The following FBLN1 variants were observed in gnomAD, a reference collection of about 807,000 sequenced individuals.
The protein encoded by FBLN1 is fibulin 1.
A neutral mutation model predicts 89.7 loss-of-function variants in FBLN1; 34 were observed. The ratio of observed to expected loss-of-function variants is 0.38; its 90% CI spans 0.29 to 0.50. The LOEUF (loss-of-function observed/expected upper bound fraction) is 0.50. FBLN1 is among the 20% of genes least tolerant of loss of function. The pLI, the probability that FBLN1 is intolerant of heterozygous loss-of-function variation, is 0.92. For synonymous variants in FBLN1, 393 were observed against 391.3 expected, an observed-to-expected ratio of 1.00 and a Z score of -0.05; for missense variants, 777 against 988.1, an observed-to-expected ratio of 0.79 and a Z score of 2.86.
rs143192207 is a variant in FBLN1, at chr22:45,563,436, C to T, written c.1698-11075C>T. 5.8e-4 allele frequency: 834 copies of T among 1,431,110 alleles called. 8 individuals carry two copies. In the East Asian group the frequency reaches 0.017, roughly 29 times the overall value. The allele number at this position is 1,431,110 out of a possible 1,614,324, so 88.7% of individuals were successfully genotyped here. A position where few individuals can be genotyped will look rare whatever the true frequency, so the allele number is the denominator to read the frequency against. Reference sequence around the variant, plus strand: ...TTGTTACCCGGGGGTGAGCTGGGCACTGGCCACCGCCTGGTACCCCCGAGG... The same window carrying T: ...TTGTTACCCGGGGGTGAGCTGGGCATTGGCCACCGCCTGGTACCCCCGAGG... On this transcript the variant is annotated intron_variant, in intron 14 of 16. Transcript: ENST00000327858. The surrounding 1 kb of genome is among the most constrained non-coding windows in gnomAD (Gnocchi z 5.7).
chr22:45,538,506 C>G (rs910627958), intron 8 of FBLN1, among the ~76,000 whole-genome samples: 5 of 152,152 alleles, frequency 3.3e-5, no homozygotes, highest in Admixed American at 6.5e-5. Flanking sequence ...GCTTTTCCCC[C>G]CCACTTGACA....
intron 14 of FBLN1, among the ~76,000 whole-genome samples, chr22:45,554,896 A>G (rs908669868): frequency 1.1e-4 from 16 of 152,262 alleles, no homozygotes. Context: ...AGCGGAAGAT[A>G]ATACCGATCT....
At chr22:45,599,276 T>A (rs1224611624) in intron 16 of FBLN1, among the ~76,000 whole-genome samples, 1 of 152,172 alleles carries the variant, frequency 6.6e-6, no homozygotes, top group Non-Finnish European at 1.5e-5. Flanking sequence ...GCACCACCCA[T>A]CCTCCTTTTG....
Position 45,533,801 on chromosome 22 carries a change from T to C in FBLN1, c.687T>C (p.Leu229=), listed in dbSNP as rs562978224. 1.1e-5 allele frequency: 17 copies of C among 1,613,668 alleles called. No homozygotes were observed. In the South Asian group the frequency reaches 1.5e-4, roughly 15 times the overall value. The change falls in exon 7 of 17, where the codon CTT becomes CTC. Residue 229 remains leucine, a synonymous_variant. Coordinates refer to ENST00000327858, the MANE Select transcript of FBLN1 (RefSeq NM_006486.3). ...TCACGGGCAGCCACAGCTGCCGGCT[T>C]GGAGAATCCTGCATCAACACAGTGG... ...ECITGSHSCR[L]GESCINTVGS...
chr22:45,526,426 C>A (rs1201220307), intron 3 of FBLN1, among the ~76,000 whole-genome samples: 1 of 152,222 alleles, frequency 6.6e-6, no homozygotes, highest in Admixed American at 6.5e-5. Context: ...CCCTTACCAC[C>A]CAGCCAGCAA....
chr22:45,542,294 G>T lies in FBLN1; in HGVS notation c.1195+11G>T. The T allele has an allele frequency of 6.2e-7, 1 of 1,613,596 alleles. No individual in the cohort carries two copies. The highest frequency in any genetic ancestry group is 1.1e-5 in the South Asian group (1 of 91,072). Reference sequence around the variant, plus strand: ...GCAGGATGTGTGTCGGTGCGTGGGGGGCCCCGCAGGCCTCGGGGGAACCCA... The same window carrying T: ...GCAGGATGTGTGTCGGTGCGTGGGGTGCCCCGCAGGCCTCGGGGGAACCCA... On this transcript the variant is annotated intron_variant, in intron 10 of 16. Coordinates refer to ENST00000327858, the MANE Select transcript of FBLN1 (RefSeq NM_006486.3).
At chr22:45,587,614 C>T (rs562254297) in intron 16 of FBLN1, among the ~76,000 whole-genome samples, 13 of 152,148 alleles carry the variant, frequency 8.5e-5, no homozygotes, top group Non-Finnish European at 1.5e-4. Context: ...GCGTGGGCTC[C>T]AGGCTGGAGA....
chr22:45,524,580 G>A (rs187545018), intron 2 of FBLN1, among the ~76,000 whole-genome samples: 1 of 152,294 alleles, frequency 6.6e-6, no homozygotes, highest in East Asian at 1.9e-4. Context: ...GAGCCTGGAA[G>A]ATGGAACGAG....
At chr22:45,522,590 G>T (rs1194145956) in intron 2 of FBLN1, among the ~76,000 whole-genome samples, 4 of 152,324 alleles carry the variant, frequency 2.6e-5, no homozygotes, top group African/African-American at 9.6e-5. Flanking sequence ...GGGTTAAGCA[G>T]CCTGCAGCTT....
At chr22:45,587,109 C>G (rs1218207870) in intron 16 of FBLN1, among the ~76,000 whole-genome samples, 2 of 152,114 alleles carry the variant, frequency 1.3e-5, no homozygotes, top group African/African-American at 4.8e-5. Context: ...CGGAGCCTCT[C>G]CCCTCGTCAT....
rs1387343266 is a variant in FBLN1 at position 45,581,785 on chromosome 22, TCA to T, written c.1972+4680_1972+4681del. On this transcript the variant is annotated intron_variant, in intron 16 of 16. Coordinates refer to ENST00000327858, the MANE Select transcript of FBLN1 (RefSeq NM_006486.3). The surrounding 1 kb of genome is among the most constrained non-coding windows in gnomAD (Gnocchi z 7.6). ...AGCCAGACAAGTGGGACACCCAAACTCACAGCCACGTCTGTGGCTGGCCCATG... is the reference window on the plus strand; with the variant it reads ...AGCCAGACAAGTGGGACACCCAAACTCAGCCACGTCTGTGGCTGGCCCATG... Among the ~76,000 whole-genome samples, 1 of 151,910 alleles carries T rather than the reference TCA, an allele frequency of 6.6e-6. No homozygotes were observed. Among genetic ancestry groups the T allele is most frequent in the Non-Finnish European group, 1.5e-5 (1 of 67,980 alleles).
At position 45,574,152 on chromosome 22, in the gene FBLN1, C is replaced by T. The variant is rs1405554662; in HGVS notation, c.1698-359C>T. ...TCACTTTGCTGTCCCTAGCAGCCGG[C>T]GCCTGGCACTCAAAACATATTTGTT... On this transcript the variant is annotated intron_variant, in intron 14 of 16. Transcript: ENST00000327858. This position sits in a 1 kb window ranked among gnomAD's most constrained non-coding sequence, Gnocchi z 4.1. 1.3e-5 allele frequency among the ~76,000 whole-genome samples: 2 copies of T among 152,172 alleles called. No homozygotes were observed. The highest frequency in any genetic ancestry group is 4.8e-5 in the African/African-American group (2 of 41,422).
At chr22:45,544,249 G>T (rs911452853) in intron 11 of FBLN1, among the ~76,000 whole-genome samples, 1 of 152,208 alleles carries the variant, frequency 6.6e-6, no homozygotes, top group Non-Finnish European at 1.5e-5. Context: ...ACCATGCCCA[G>T]CTAATTTTTG....
chr22:45,543,613 T>C (rs934631524), intron 11 of FBLN1, 87 bp downstream of exon 11: 3 of 1,493,048 alleles, frequency 2.0e-6, no homozygotes, highest in Non-Finnish European at 2.7e-6. Context: ...TTGCAGCAGA[T>C]CCGCGATGGT....
At chr22:45,535,079 T>C (rs761789328) in intron 7 of FBLN1, 121 bp from the exon 8 acceptor site, 18 of 1,112,788 alleles carry the variant, frequency 1.6e-5, no homozygotes, top group Non-Finnish European at 2.4e-5. Flanking sequence ...TCTATTAGAA[T>C]GTTTTGGGTT....
intron 11 of FBLN1, among the ~76,000 whole-genome samples, chr22:45,544,593 G>A (rs992312938): frequency 6.6e-6 from 1 of 152,132 alleles, no homozygotes; most frequent in African/African-American, 2.4e-5. Flanking sequence ...ATGGAGGTCA[G>A]CGCCTGTAGT....
chr22:45,568,984 G>A (rs757169897), intron 14 of FBLN1, among the ~76,000 whole-genome samples: 3 of 152,148 alleles, frequency 2.0e-5, no homozygotes, highest in South Asian at 2.1e-4. Context: ...TGTCTTTGTC[G>A]TCACATAGCC....
chr22:45,573,554 G>T (rs1449712588), intron 14 of FBLN1, among the ~76,000 whole-genome samples: 1 of 150,826 alleles, frequency 6.6e-6, no homozygotes, highest in African/African-American at 2.4e-5. Flanking sequence ...GGTGGCATGC[G>T]CCTGTAATCC....
Position 45,572,579 on chromosome 22 carries a change from T to A in FBLN1, c.1698-1932T>A, listed in dbSNP as rs1009863748. On this transcript the variant is annotated intron_variant, in intron 14 of 16. Transcript: ENST00000327858. The surrounding 1 kb of genome is among the most constrained non-coding windows in gnomAD (Gnocchi z 5.8). Reference sequence around the variant, plus strand: ...GAGCACATGAAGGGAAGCATCTGTTTACAGGAGTAGTCCAGCTAATAAATG... The same window carrying A: ...GAGCACATGAAGGGAAGCATCTGTTAACAGGAGTAGTCCAGCTAATAAATG... Among the ~76,000 whole-genome samples the A allele has an allele frequency of 7.2e-5, 11 of 152,260 alleles. No homozygotes were observed. The highest frequency in any genetic ancestry group is 3.9e-4 in the Admixed American group (6 of 15,288).
Sources: allele counts gnomAD v4.1 joint callset (sites outside exome capture counted in the v4.1 genomes callset), GRCh38; gene constraint gnomAD v4.1.1; non-coding constraint Gnocchi (gnomAD v3.1); transcripts MANE v1.5; gene names NCBI Gene and HGNC (gene_info 2026-07-23, HGNC 2026-07-21).